Variants in ACAT2 observed in about 807,000 individuals in gnomAD.
ACAT2 encodes acetyl-CoA acetyltransferase, cytosolic.
Under a neutral mutation model 37.1 loss-of-function variants are expected in ACAT2, and 26 were observed. That is an observed-to-expected ratio of 0.70 (90% CI 0.51 to 0.97). The LOEUF is 0.97. ACAT2 is among the 50% of genes least tolerant of loss of function. The probability of loss-of-function intolerance (pLI) is 0.00; values close to 1 mark genes in which losing one functional copy is unlikely to be tolerated. For synonymous variants in ACAT2, 156 were observed against 163.6 expected (o/e 0.95, Z 0.35); for missense variants, 468 against 489.0 (o/e 0.96, Z 0.40).
At chr6:159,777,593 C>A in intron 7 of ACAT2, 137 bp downstream of exon 7, 2 of 1,103,436 alleles carry the variant, frequency 1.8e-6, no homozygotes, top group East Asian at 2.6e-5. Context: ...GAGATAAGGT[C>A]TTGCTCTGTT....
chr6:159,764,106 AAAG>A (rs200040327), intron 2 of ACAT2, among the ~76,000 whole-genome samples: 2 of 151,934 alleles, frequency 1.3e-5, no homozygotes, highest in Non-Finnish European at 2.9e-5. Flanking sequence ...CTCCTTTTAA[AAAG>A]AAGAAGAAGA....
At chr6:159,766,210 TA>T (rs1188322402) in intron 2 of ACAT2, among the ~76,000 whole-genome samples, 1 of 152,216 alleles carries the variant, frequency 6.6e-6, no homozygotes, top group Admixed American at 6.5e-5. Flanking sequence ...AAGCATAGTG[TA>T]ATGAATACTA....
chr6:159,778,719 A>G lies in ACAT2; in HGVS notation c.1084A>G (p.Ile362Val). The G allele has an allele frequency of 6.2e-7, 1 of 1,614,236 alleles. No individual in the cohort carries two copies. The highest frequency in any genetic ancestry group is 8.5e-7 in the Non-Finnish European group (1 of 1,180,038). ...GHPLGASGCR[I>V]LVTLLHTLER... ...CCCTCTTGGAGCATCTGGCTGTCGA[A>G]TTCTTGTGACCCTGTTACACACACT... Residue 362 changes from isoleucine to valine, a missense_variant, in exon 9 of 9, where the codon ATT becomes GTT. Ile to Val is a conservative substitution (Grantham distance 29, BLOSUM62 3). Coordinates refer to ENST00000367048, the MANE Select transcript of ACAT2 (RefSeq NM_005891.3).
At chr6:159,762,811 T>G (rs2114973211) in intron 1 of ACAT2, 108 bp from the exon 2 acceptor site, 1 of 1,593,276 alleles carries the variant, frequency 6.3e-7, no homozygotes, top group South Asian at 1.1e-5. Context: ...GGGCACTGCC[T>G]CCTCGCGTGG....
rs1463620954 is a variant in ACAT2 at position 159,777,575 on chromosome 6, CTATTTT to C, written c.912+121_912+126del. The C allele has an allele frequency of 6.0e-5, 73 of 1,223,346 alleles. 3 individuals are homozygous for C. The South Asian group carries it at 9.3e-4, about 16-fold the overall frequency. 75.8% of individuals were successfully genotyped at this position (1,223,346 alleles called of 1,614,324 possible). A position where few individuals can be genotyped will look rare whatever the true frequency, so the allele number is the denominator to read the frequency against. The stretch of plus-strand genomic sequence containing the variant: ...GAAGAGTAACCAAGAGCATTTATTT[CTATTTT>C]TGAGATAAGGTCTTGCTCTGTTGTC... On this transcript the variant is annotated intron_variant, in intron 7 of 8. Transcript: ENST00000367048.
At position 159,765,146 on chromosome 6, in the gene ACAT2, C is replaced by T. The variant is rs557844696; in HGVS notation, c.191-1859C>T. Among the ~76,000 whole-genome samples the T allele has an allele frequency of 6.0e-4, 91 of 152,134 alleles. 1 individual carries two copies. The highest frequency in any genetic ancestry group is 4.0e-4 in the Non-Finnish European group (27 of 68,030). On this transcript the variant is annotated intron_variant, in intron 2 of 8. Transcript: ENST00000367048. ...TTTTTCTTTTTTTGAGATGGAGTCCCACTCTGTTGCCCAGGCTGGAGTGCA... is the reference window on the plus strand; with the variant it reads ...TTTTTCTTTTTTTGAGATGGAGTCCTACTCTGTTGCCCAGGCTGGAGTGCA...
intron 4 of ACAT2, among the ~76,000 whole-genome samples, chr6:159,770,808 T>G (rs1041643316): frequency 6.6e-6 from 1 of 152,246 alleles, no homozygotes; most frequent in South Asian, 2.1e-4. Context: ...CTCACGCTTG[T>G]AATCCCAGCA....
intron 3 of ACAT2, 94 bp downstream of exon 3, chr6:159,767,280 G>A: frequency 7.7e-7 from 1 of 1,301,320 alleles, no homozygotes; most frequent in Non-Finnish European, 1.1e-6. Flanking sequence ...TAGCAGAGCT[G>A]GAACCAAACA....
At chr6:159,772,930 G>A (rs948013963) in intron 4 of ACAT2, among the ~76,000 whole-genome samples, 2 of 152,104 alleles carry the variant, frequency 1.3e-5, no homozygotes, top group Non-Finnish European at 2.9e-5. Flanking sequence ...CCAGATTGGA[G>A]TGCAGTGGCT....
At chr6:159,771,667 A>G (rs914575405) in intron 4 of ACAT2, among the ~76,000 whole-genome samples, 2 of 151,714 alleles carry the variant, frequency 1.3e-5, no homozygotes, top group African/African-American at 2.4e-5. Context: ...AAAAAAAACA[A>G]GAGTGAAAGT....
intron 7 of ACAT2, 139 bp downstream of exon 7, chr6:159,777,595 T>TGA (rs1780446883): frequency 9.3e-7 from 1 of 1,080,854 alleles, no homozygotes; most frequent in Non-Finnish European, 1.3e-6. Context: ...GATAAGGTCT[T>TGA]GCTCTGTTGT....
At chr6:159,766,435 C>T (rs1381108220) in intron 2 of ACAT2, among the ~76,000 whole-genome samples, 1 of 151,862 alleles carries the variant, frequency 6.6e-6, no homozygotes, top group African/African-American at 2.4e-5. Context: ...GAGTTTCGCC[C>T]TTGTTGCCCA....
chr6:159,770,329 C>G (rs1165551334), intron 4 of ACAT2, among the ~76,000 whole-genome samples: 1 of 152,022 alleles, frequency 6.6e-6, no homozygotes, highest in Non-Finnish European at 1.5e-5. Context: ...GTCAACAGAC[C>G]CTGCAATACT....
At chr6:159,762,536 G>A in intron 1 of ACAT2, 1 of 1,308,396 alleles carries the variant, frequency 7.6e-7, no homozygotes, top group Non-Finnish European at 9.9e-7. Flanking sequence ...CTTTGGGCTG[G>A]GGTCGGGCTG....
chr6:159,764,249 A>C (rs1780217792), intron 2 of ACAT2, among the ~76,000 whole-genome samples: 1 of 152,086 alleles, frequency 6.6e-6, no homozygotes. Flanking sequence ...TAGTGCTGGG[A>C]GTATGGTTCC....
At chr6:159,767,236 T>C (rs1583126044) in intron 3 of ACAT2, 50 bp downstream of exon 3, 1 of 1,588,070 alleles carries the variant, frequency 6.3e-7, no homozygotes, top group East Asian at 2.2e-5. Context: ...ACTGAGAAAC[T>C]CATGTCTATG....
Position 159,770,792 on chromosome 6 carries a change from C to T in ACAT2, c.490+2164C>T, listed in dbSNP as rs79876941. On this transcript the variant is annotated intron_variant, in intron 4 of 8. Coordinates refer to ENST00000367048, the MANE Select transcript of ACAT2 (RefSeq NM_005891.3). ...GAAGAATAAATGAACAGGCCAGGCA[C>T]GGTAGCTCACGCTTGTAATCCCAGC... Among the ~76,000 whole-genome samples the T allele has an allele frequency of 3.7e-3, 556 of 152,252 alleles. 4 individuals carry two copies. Among genetic ancestry groups the T allele is most frequent in the Non-Finnish European group, 5.0e-3 (337 of 68,010 alleles).
At chr6:159,777,251 GTAACTGAGGTTAA>G in intron 6 of ACAT2, 38 bp from the exon 7 acceptor site, 2 of 1,574,126 alleles carry the variant, frequency 1.3e-6, no homozygotes, top group African/African-American at 2.7e-5. Context: ...CCACAGATAT[GTAACTGAGGTTAA>G]TAAGCATGGT....
chr6:159,765,377 A>G (rs1780237491), intron 2 of ACAT2, among the ~76,000 whole-genome samples: 1 of 151,214 alleles, frequency 6.6e-6, no homozygotes, highest in Non-Finnish European at 1.5e-5. Flanking sequence ...CGGCCTCCCA[A>G]AGTGCTGGGA....
Sources: allele counts gnomAD v4.1 joint callset (sites outside exome capture counted in the v4.1 genomes callset), GRCh38; gene constraint gnomAD v4.1.1; transcripts MANE v1.5; gene names NCBI Gene and HGNC (gene_info 2026-07-23, HGNC 2026-07-21).